Variants in FSTL4 observed in about 807,000 individuals in gnomAD.
FSTL4 encodes follistatin-related protein 4.
In FSTL4, 28 loss-of-function variants were observed where a neutral mutation model predicts 78.2. The ratio of observed to expected loss-of-function variants is 0.36; its 90% CI spans 0.27 to 0.49. The LOEUF (loss-of-function observed/expected upper bound fraction) is 0.49, where lower values mean the gene tolerates loss of function less well. FSTL4 is among the 20% of genes least tolerant of loss of function. The pLI is 0.98. For synonymous variants in FSTL4, 422 were observed against 440.5 expected, an observed-to-expected ratio of 0.96 and a Z score of 0.53; for missense variants, 922 against 1,084.9, an observed-to-expected ratio of 0.85 and a Z score of 2.11.
intron 3 of FSTL4, among the ~76,000 whole-genome samples, chr5:133,432,310 C>T (rs1308623440): frequency 2.6e-5 from 4 of 152,200 alleles, no homozygotes; most frequent in African/African-American, 4.8e-5. Flanking sequence ...TAAACATTAG[C>T]TAATGGAGAG....
the FSTL4 span, among the ~76,000 whole-genome samples, chr5:133,678,111 T>C: frequency 6.6e-6 from 1 of 152,240 alleles, no homozygotes; most frequent in East Asian, 1.9e-4. Context: ...TATAATATAT[T>C]GTTATTAACT....
At chr5:133,433,264 T>C (rs13160092) in intron 3 of FSTL4, among the ~76,000 whole-genome samples, 80,932 of 152,092 alleles carry the variant, frequency 0.53, 22,563 homozygotes, top group Non-Finnish European at 0.61. Flanking sequence ...AAGTAAGGGA[T>C]ACTGTGCAAA....
chr5:133,306,683 G>A (rs908101632), intron 6 of FSTL4, among the ~76,000 whole-genome samples: 4 of 152,144 alleles, frequency 2.6e-5, no homozygotes, highest in African/African-American at 7.2e-5. Flanking sequence ...CTCTGGGATC[G>A]CTGGCCACAG....
the FSTL4 span, among the ~76,000 whole-genome samples, chr5:133,624,533 G>T: frequency 6.6e-6 from 1 of 151,808 alleles, no homozygotes; most frequent in African/African-American, 2.4e-5. Flanking sequence ...GCAACATCGT[G>T]AATATGCTAA....
chr5:133,567,068 GC>G (rs1377732663), intron 3 of FSTL4, 117 bp downstream of exon 3: 2 of 777,100 alleles, frequency 2.6e-6, no homozygotes, highest in Non-Finnish European at 4.6e-6. Context: ...CCCAGAAAAG[GC>G]CGCATGAAAT....
intron 3 of FSTL4, among the ~76,000 whole-genome samples, chr5:133,548,297 C>A (rs1195892280): frequency 6.7e-6 from 1 of 149,430 alleles, no homozygotes; most frequent in South Asian, 2.1e-4. Flanking sequence ...TGGGGGAACC[C>A]TGAACCTATG....
intron 6 of FSTL4, among the ~76,000 whole-genome samples, chr5:133,311,626 C>G (rs1255490359): frequency 6.6e-6 from 1 of 152,206 alleles, no homozygotes; most frequent in Admixed American, 6.5e-5. Context: ...AGATGTCACT[C>G]TGAAGCAGGA....
the FSTL4 span, among the ~76,000 whole-genome samples, chr5:133,767,428 A>G: frequency 6.6e-6 from 1 of 152,250 alleles, no homozygotes; most frequent in Non-Finnish European, 1.5e-5. Flanking sequence ...ATATGGTTAG[A>G]CATAAGGGAT....
rs375431594 is a variant in FSTL4, at chr5:133,606,545, T to A, written c.-10-2552A>T. ...ACAGCGAGTGGATTTTTGGAATTTT[T>A]AAAAACCAGCCATAGAAATTTAAGC... On this transcript the variant is annotated intron_variant, in intron 1 of 15. Transcript: ENST00000265342. Among the ~76,000 whole-genome samples the A allele has an allele frequency of 3.3e-3, 510 of 152,344 alleles. 5 individuals carry two copies. Among genetic ancestry groups the A allele is most frequent in the African/African-American group, 0.012 (486 of 41,584 alleles).
intron 7 of FSTL4, chr5:133,244,946 C>T (rs1160427840): frequency 6.6e-6 from 1 of 152,102 alleles, no homozygotes; most frequent in Non-Finnish European, 1.5e-5. Context: ...ATAGCAACAC[C>T]CCTCTCTACA....
intron 7 of FSTL4, among the ~76,000 whole-genome samples, chr5:133,245,627 T>C (rs1388033347): frequency 6.6e-6 from 1 of 152,218 alleles, no homozygotes; most frequent in Non-Finnish European, 1.5e-5. Flanking sequence ...GCGGACAGTG[T>C]CTTTGTTCTC....
chr5:133,699,899 A>AAAC, the FSTL4 span, among the ~76,000 whole-genome samples: 1 of 151,546 alleles, frequency 6.6e-6, no homozygotes, highest in African/African-American at 2.4e-5. Flanking sequence ...AAAAAAAAAA[A>AAAC]AACAACCCAG....
chr5:133,414,446 GA>G (rs1400466884), intron 3 of FSTL4, among the ~76,000 whole-genome samples: 1 of 152,136 alleles, frequency 6.6e-6, no homozygotes, highest in Non-Finnish European at 1.5e-5. Flanking sequence ...AGGACCCTGG[GA>G]TTTGTCCTTG....
At chr5:133,424,867 T>C (rs1200068884) in intron 3 of FSTL4, among the ~76,000 whole-genome samples, 1 of 152,180 alleles carries the variant, frequency 6.6e-6, no homozygotes, top group Non-Finnish European at 1.5e-5. Context: ...CATGCCATAG[T>C]GAAATGTAAG....
At chr5:133,449,258 C>T (rs1757332793) in intron 3 of FSTL4, among the ~76,000 whole-genome samples, 1 of 152,172 alleles carries the variant, frequency 6.6e-6, no homozygotes, top group East Asian at 1.9e-4. Flanking sequence ...CAGGTGGATT[C>T]CTGGCACTGA....
chr5:133,230,817 G>T (rs11242144), intron 8 of FSTL4, among the ~76,000 whole-genome samples: 2 of 151,974 alleles, frequency 1.3e-5, no homozygotes, highest in Non-Finnish European at 2.9e-5. Context: ...ACCTTCTGTC[G>T]TGCCTTCTGG....
chr5:133,714,044 C>A, the FSTL4 span, among the ~76,000 whole-genome samples: 3 of 152,128 alleles, frequency 2.0e-5, no homozygotes, highest in Non-Finnish European at 4.4e-5. Context: ...TTTCACAGAC[C>A]CTTGTCCACT....
intron 3 of FSTL4, among the ~76,000 whole-genome samples, chr5:133,427,229 C>A (rs893321656): frequency 6.6e-6 from 1 of 152,194 alleles, no homozygotes; most frequent in South Asian, 2.1e-4. Flanking sequence ...TCCCCAAGGA[C>A]GAGAGACGGC....
chr5:133,220,283 T>C (rs568757135), intron 12 of FSTL4, among the ~76,000 whole-genome samples: 1 of 152,340 alleles, frequency 6.6e-6, no homozygotes, highest in South Asian at 2.1e-4. Context: ...AGGCCTGGTG[T>C]GGGGGCCACA....
Sources: allele counts gnomAD v4.1 joint callset (sites outside exome capture counted in the v4.1 genomes callset), GRCh38; gene constraint gnomAD v4.1.1; transcripts MANE v1.5; gene names NCBI Gene and HGNC (gene_info 2026-07-23, HGNC 2026-07-21).